SPATA13: variants seen among roughly 807,000 people sequenced by gnomAD.
SPATA13 encodes spermatogenesis associated 13, also known as spermatogenesis-associated protein 13.
In SPATA13, 50 loss-of-function variants were observed where a neutral mutation model predicts 104.0. The ratio of observed to expected loss-of-function variants is 0.48; its 90% CI spans 0.38 to 0.61. SPATA13 has a LOEUF of 0.61. SPATA13 is among the 20% of genes least tolerant of loss of function. The pLI is 0.00. For missense variants in SPATA13, 1,524 were observed against 1,690.6 expected (o/e 0.90, Z 1.73); for synonymous variants, 606 against 667.5 (o/e 0.91, Z 1.42).
chr13:24,296,760 C>T (rs1876811082), intron 10 of SPATA13, among the ~76,000 whole-genome samples: 2 of 152,180 alleles, frequency 1.3e-5, no homozygotes, highest in Admixed American at 1.3e-4. Context: ...GCTAGGAAGA[C>T]CCCTCAGCTA....
At chr13:23,983,428 C>G (rs1001167356) in intron 1 of SPATA13, among the ~76,000 whole-genome samples, 4 of 152,180 alleles carry the variant, frequency 2.6e-5, no homozygotes, top group African/African-American at 9.7e-5. Flanking sequence ...CAAACACAGT[C>G]CCATTCTGAG....
chr13:24,224,608 T>A (rs1307281950), intron 2 of SPATA13, 26 bp downstream of exon 2: 1 of 1,536,510 alleles, frequency 6.5e-7, no homozygotes, highest in Non-Finnish European at 8.7e-7. Flanking sequence ...AGGTCCCTCA[T>A]GTGGGCGACC....
chr13:24,110,684 C>T (rs927484542), intron 3 of SPATA13, among the ~76,000 whole-genome samples: 1 of 152,128 alleles, frequency 6.6e-6, no homozygotes, highest in African/African-American at 2.4e-5. Flanking sequence ...ACAAACATGC[C>T]CCCGCTGATG....
chr13:24,104,205 T>C (rs908281297), intron 3 of SPATA13, among the ~76,000 whole-genome samples: 1 of 152,028 alleles, frequency 6.6e-6, no homozygotes, highest in Admixed American at 6.6e-5. Flanking sequence ...GGGTGAACCG[T>C]TTGGATTTGT....
chr13:24,230,470 G>C (rs1872196571), intron 2 of SPATA13, among the ~76,000 whole-genome samples: 3 of 152,172 alleles, frequency 2.0e-5, no homozygotes, highest in South Asian at 4.1e-4. Context: ...CCGGGCGGCG[G>C]TTGCAGAAGG....
At chr13:24,008,491 G>T (rs1414650273) in intron 2 of SPATA13, among the ~76,000 whole-genome samples, 1 of 152,120 alleles carries the variant, frequency 6.6e-6, no homozygotes, top group African/African-American at 2.4e-5. Flanking sequence ...CCCCTCCACA[G>T]CTCTCCAGGT....
chr13:24,053,219 T>C (rs1878424268), intron 3 of SPATA13, among the ~76,000 whole-genome samples: 1 of 152,144 alleles, frequency 6.6e-6, no homozygotes, highest in South Asian at 2.1e-4. Context: ...GGAAAGGTCT[T>C]GCAGGAGGTA....
chr13:23,990,900 A>T (rs182929375), intron 2 of SPATA13, among the ~76,000 whole-genome samples: 204 of 152,300 alleles, frequency 1.3e-3, no homozygotes, highest in African/African-American at 4.7e-3. Context: ...GAGTCTTGGG[A>T]TGAGACCCTG....
At chr13:24,298,547 T>G (rs1009344937) in intron 11 of SPATA13, among the ~76,000 whole-genome samples, 2 of 152,100 alleles carry the variant, frequency 1.3e-5, no homozygotes, top group African/African-American at 2.4e-5. Flanking sequence ...CCCAAGCTCT[T>G]TAGGGTTTTG....
At chr13:24,076,298 G>T (rs1879324524) in intron 3 of SPATA13, among the ~76,000 whole-genome samples, 1 of 152,134 alleles carries the variant, frequency 6.6e-6, no homozygotes, top group African/African-American at 2.4e-5. Context: ...GTTTATCTTT[G>T]TGTGCCAGGT....
chr13:24,216,546 C>T (rs950619029), intron 1 of SPATA13, among the ~76,000 whole-genome samples: 5 of 152,306 alleles, frequency 3.3e-5, no homozygotes, highest in East Asian at 3.9e-4. Context: ...ACTTAAGTGA[C>T]GCCAGAGCTA....
At position 24,180,404 on chromosome 13, in the gene SPATA13, G is replaced by A. The variant is rs79355046; in HGVS notation, c.-112+19472G>A. On this transcript the variant is annotated intron_variant, in intron 1 of 12. Transcript: ENST00000382108. ...CTGTCTTGATTCCTGTGGCTTTATA[G>A]TAAGCTTTGAAATTAGGAAGTCTAA... 4.3e-4 allele frequency among the ~76,000 whole-genome samples: 65 copies of A among 152,244 alleles called. No homozygotes were observed. The East Asian group carries it at 0.011, about 26-fold the overall frequency.
At chr13:24,146,840 T>A (rs1881948089) in intron 3 of SPATA13, among the ~76,000 whole-genome samples, 1 of 152,172 alleles carries the variant, frequency 6.6e-6, no homozygotes, top group Admixed American at 6.5e-5. Context: ...TGAGATTTCT[T>A]TACCACCGCA....
chr13:24,283,406 T>G (rs1875693733), intron 4 of SPATA13, among the ~76,000 whole-genome samples: 1 of 152,216 alleles, frequency 6.6e-6, no homozygotes, highest in Non-Finnish European at 1.5e-5. Context: ...GAAACAGTGA[T>G]GGAGACATCC....
At chr13:24,238,381 T>A (rs1156308328) in intron 2 of SPATA13, among the ~76,000 whole-genome samples, 2 of 152,180 alleles carry the variant, frequency 1.3e-5, no homozygotes, top group African/African-American at 4.8e-5. Context: ...GGTCTCAAAC[T>A]CCTGACCTCA....
At chr13:24,274,651 G>A (rs1874846355) in intron 4 of SPATA13, among the ~76,000 whole-genome samples, 1 of 152,256 alleles carries the variant, frequency 6.6e-6, no homozygotes, top group Non-Finnish European at 1.5e-5. Context: ...GCCCGCCTGG[G>A]CTTGCCATTT....
chr13:24,041,402 T>C (rs1460754388), intron 3 of SPATA13, among the ~76,000 whole-genome samples: 2 of 152,236 alleles, frequency 1.3e-5, no homozygotes, highest in Non-Finnish European at 2.9e-5. Flanking sequence ...TAATCCATGA[T>C]GCCTATGTCC....
At chr13:24,077,142 T>C (rs1001228891) in intron 3 of SPATA13, among the ~76,000 whole-genome samples, 1 of 151,384 alleles carries the variant, frequency 6.6e-6, no homozygotes, top group Non-Finnish European at 1.5e-5. Flanking sequence ...TAATAGCAAA[T>C]AGCTGTTTCT....
At chr13:24,191,181 G>T (rs1392609484) in intron 1 of SPATA13, among the ~76,000 whole-genome samples, 1 of 152,026 alleles carries the variant, frequency 6.6e-6, no homozygotes, top group African/African-American at 2.4e-5. Flanking sequence ...TCTCGATATT[G>T]CCTAGGCTGG....
Sources: gnomAD v4.1 joint callset for allele counts (sites outside exome capture counted in the v4.1 genomes callset) on GRCh38, gnomAD v4.1.1 for gene constraint, MANE v1.5 for transcripts, NCBI Gene and HGNC (gene_info 2026-07-23, HGNC 2026-07-21) for gene names.